Variants in TSC22D4 observed in about 807,000 individuals in gnomAD.
TSC22D4 encodes TSC22 domain family protein 4.
Under a neutral mutation model 24.9 loss-of-function variants are expected in TSC22D4, and 5 were observed. The ratio of observed to expected loss-of-function variants is 0.20; its 90% CI spans 0.10 to 0.42. TSC22D4 has a LOEUF of 0.42. TSC22D4 is among the 10% of genes least tolerant of loss of function. The pLI, the probability that TSC22D4 is intolerant of heterozygous loss-of-function variation, is 1.00. For missense variants in TSC22D4, 469 were observed against 547.9 expected (o/e 0.86, Z 1.44); for synonymous variants, 245 against 243.2 (o/e 1.01, Z -0.07).
At position 100,472,466 on chromosome 7, in the gene TSC22D4, G is replaced by A. The variant is rs189590642; in HGVS notation, c.929+1808C>T. On this transcript the variant is annotated intron_variant, in intron 3 of 4. Coordinates refer to ENST00000300181, the MANE Select transcript of TSC22D4 (RefSeq NM_030935.5). ...GTACAGGGGAAAGACGGAGGCCTCA[G>A]GAGGTTGAATCCTCTAAGACAGAGA... Among the ~76,000 whole-genome samples, 404 of 151,878 alleles carry A rather than the reference G, an allele frequency of 2.7e-3. 1 individual carries two copies. Among genetic ancestry groups the A allele is most frequent in the Admixed American group, 4.7e-3 (72 of 15,236 alleles).
Position 100,466,703 on chromosome 7 carries a change from G to T in TSC22D4, c.*256C>A. The stretch of plus-strand genomic sequence containing the variant: ...CTCCCCCAAGCCGTCTACTGCTGGG[G>T]GGTCCCAGGAGGGAGGGTGGGGGTT... On this transcript the variant is annotated 3_prime_UTR_variant, in exon 5 of 5. Coordinates refer to ENST00000300181, the MANE Select transcript of TSC22D4 (RefSeq NM_030935.5). 3.8e-6 allele frequency: 2 copies of T among 524,410 alleles called. No homozygotes were observed. The highest frequency in any genetic ancestry group is 2.8e-5 in the South Asian group (1 of 35,742). The allele number at this position is 524,410 out of a possible 1,614,324, so 32.5% of individuals were successfully genotyped here. A position where few individuals can be genotyped will look rare whatever the true frequency, so the allele number is the denominator to read the frequency against.
chr7:100,467,182 GACAGGC>G lies in TSC22D4; in HGVS notation c.979-20_979-15del, dbSNP rs1563179013. On this transcript the variant is annotated splice_polypyrimidine_tract_variant and intron_variant, in intron 4 of 4. Transcript: ENST00000300181. Reference sequence around the variant, plus strand: ...CTTCACCAAGTCCTGGGGGCCCCGGGACAGGCACAGCGTCAACGGGGTGGGTGCCTC... The same window carrying G: ...CTTCACCAAGTCCTGGGGGCCCCGGGACAGCGTCAACGGGGTGGGTGCCTC... 6.2e-7 allele frequency: 1 copy of G among 1,613,886 alleles called. No individual in the cohort carries two copies. Among genetic ancestry groups the G allele is most frequent in the South Asian group, 1.1e-5 (1 of 91,086 alleles).
chr7:100,476,162 G>A lies in TSC22D4; in HGVS notation c.762+1115C>T, dbSNP rs1425783715. ...GGGGTTTGCTTTGGAAGAGTCTGGG[G>A]ACAGGACAGGAAGAGAAACAGCATC... is the stretch of plus-strand genomic sequence containing the variant. On this transcript the variant is annotated intron_variant, in intron 2 of 4. Transcript: ENST00000300181. Among the ~76,000 whole-genome samples the A allele has an allele frequency of 4.7e-5, 7 of 150,024 alleles. No individual in the cohort carries two copies. The Admixed American group carries it at 4.7e-4, about 10-fold the overall frequency.
intron 3 of TSC22D4, among the ~76,000 whole-genome samples, chr7:100,469,603 C>T (rs1563180221): frequency 6.6e-6 from 1 of 152,158 alleles, no homozygotes; most frequent in Non-Finnish European, 1.5e-5. Flanking sequence ...GCCCCAGGCT[C>T]TTGCCCTGAG....
In TSC22D4 at chr7:100,477,950, G is replaced by T. The variant is rs1469182682; in HGVS notation, c.89C>A (p.Pro30His). 6.4e-7 allele frequency: 1 copy of T among 1,558,220 alleles called. No individual in the cohort carries two copies. The change falls in exon 2 of 5, where the codon CCC (proline) becomes CAC (histidine). Residue 30 changes from proline (P) to histidine (H), a missense_variant. Pro to His is a moderately conservative substitution (Grantham distance 77, BLOSUM62 -2). Coordinates refer to ENST00000300181, the MANE Select transcript of TSC22D4 (RefSeq NM_030935.5). This position sits in a 1 kb window ranked among gnomAD's most constrained non-coding sequence, Gnocchi z 7.8. Reference sequence around the variant, plus strand: ...CCCGGTTGGGGGCTGTGGGGTAGGGGGATCCGAAGCCCCTGGGCTCCCAGG... The same window carrying T: ...CCCGGTTGGGGGCTGTGGGGTAGGGTGATCCGAAGCCCCTGGGCTCCCAGG... Reference protein sequence around the residue: ...EGPGSPGASDPPTPQPPTGPP... With the variant: ...EGPGSPGASDHPTPQPPTGPP...
Position 100,466,807 on chromosome 7 carries a change from G to A in TSC22D4, c.*152C>T. The A allele has an allele frequency of 1.3e-6, 1 of 758,582 alleles. No homozygotes were observed. The highest frequency in any genetic ancestry group is 2.1e-6 in the Non-Finnish European group (1 of 474,052). The allele number at this position is 758,582 out of a possible 1,614,324, so 47.0% of individuals were successfully genotyped here. The stretch of plus-strand genomic sequence containing the variant: ...CTCCATCAAGGCTGGGGATGATGAG[G>A]AGATGGGGCAGGGGCCGGGGGACCA... On this transcript the variant is annotated 3_prime_UTR_variant, in exon 5 of 5. Transcript: ENST00000300181.
intron 3 of TSC22D4, among the ~76,000 whole-genome samples, chr7:100,469,712 C>T (rs1410640068): frequency 2.6e-5 from 4 of 152,208 alleles, no homozygotes; most frequent in Admixed American, 2.0e-4. Flanking sequence ...GAGCAGGGGC[C>T]TCAAGGCGCT....
Position 100,477,370 on chromosome 7 carries a change from C to G in TSC22D4, c.669G>C (p.Gly223=). The G allele has an allele frequency of 5.7e-6, 9 of 1,589,008 alleles. No individual in the cohort carries two copies. The African/African-American group carries it at 9.5e-5, about 17-fold the overall frequency. Reference sequence around the variant, plus strand: ...GTGGAGGGGTCCTGGCCCCTGAGCCCCCAGCCTCCGCTTCCACCCTCAGAG... The same window carrying G: ...GTGGAGGGGTCCTGGCCCCTGAGCCGCCAGCCTCCGCTTCCACCCTCAGAG... ...LPSLRVEAEA[G]GSGARTPPLS... is the part of the protein sequence containing the mutation. Residue 223 remains glycine (G), a synonymous_variant, in exon 2 of 5, where the codon GGG becomes GGC. Transcript: ENST00000300181. The surrounding 1 kb of genome is among the most constrained non-coding windows in gnomAD (Gnocchi z 7.8).
In TSC22D4 at chr7:100,477,150, G is replaced by T; in HGVS notation, c.762+127C>A. Reference sequence around the variant, plus strand: ...TTCAGAGTGACCTGGCAGGCACAGAGAAGAGGGCTATCTGATCTTATAAAG... The same window carrying T: ...TTCAGAGTGACCTGGCAGGCACAGATAAGAGGGCTATCTGATCTTATAAAG... On this transcript the variant is annotated intron_variant, in intron 2 of 4. Coordinates refer to ENST00000300181, the MANE Select transcript of TSC22D4 (RefSeq NM_030935.5). The surrounding 1 kb of genome is among the most constrained non-coding windows in gnomAD (Gnocchi z 7.8). 1.2e-6 allele frequency: 1 copy of T among 824,272 alleles called. No homozygotes were observed. The highest frequency in any genetic ancestry group is 1.8e-6 in the Non-Finnish European group (1 of 568,034). The allele number at this position is 824,272 out of a possible 1,614,324, so 51.1% of individuals were successfully genotyped here.
chr7:100,477,709 C>T lies in TSC22D4; in HGVS notation c.330G>A (p.Glu110=), dbSNP rs780257318. Residue 110 remains glutamate, a synonymous_variant, in exon 2 of 5, where the codon GAG becomes GAA. Coordinates refer to ENST00000300181, the MANE Select transcript of TSC22D4 (RefSeq NM_030935.5). This position sits in a 1 kb window ranked among gnomAD's most constrained non-coding sequence, Gnocchi z 7.8. ...LEPHSFGGLL[E]GIRGASGGAG... Reference sequence around the variant, plus strand: ...CGCCCCCTGAGGCCCCTCGAATTCCCTCCAGGAGTCCGCCGAAGCTGTGGG... The same window carrying T: ...CGCCCCCTGAGGCCCCTCGAATTCCTTCCAGGAGTCCGCCGAAGCTGTGGG... The T allele has an allele frequency of 3.8e-6, 6 of 1,599,004 alleles. No individual in the cohort carries two copies. Among genetic ancestry groups the T allele is most frequent in the Non-Finnish European group, 5.1e-6 (6 of 1,178,594 alleles).
At position 100,470,502 on chromosome 7, in the gene TSC22D4, A is replaced by G. The variant is rs11761918; in HGVS notation, c.930-2902T>C. On this transcript the variant is annotated intron_variant, in intron 3 of 4. Transcript: ENST00000300181. ...GGAGCCTCCGGCAAAATGGGGTTTC[A>G]CCATGTTGGCCAGGCTGGTCTTGAA... is the stretch of plus-strand genomic sequence containing the variant. 5.4e-3 allele frequency among the ~76,000 whole-genome samples: 827 copies of G among 152,100 alleles called. 4 individuals carry two copies. Among genetic ancestry groups the G allele is most frequent in the Middle Eastern group, 0.024 (7 of 294 alleles).
At chr7:100,467,405 G>A in intron 4 of TSC22D4, 147 bp downstream of exon 4, 1 of 940,212 alleles carries the variant, frequency 1.1e-6, no homozygotes, top group South Asian at 1.4e-5. Flanking sequence ...GGTGGCAGGA[G>A]GGGGCAGAGG....
intron 3 of TSC22D4, among the ~76,000 whole-genome samples, chr7:100,471,233 G>C (rs1410394506): frequency 1.3e-5 from 2 of 151,646 alleles, no homozygotes; most frequent in East Asian, 1.9e-4. Context: ...AGGTCGGGGA[G>C]GGGGAAGGGG....
At position 100,474,260 on chromosome 7, in the gene TSC22D4, C is replaced by T. The variant is rs201252552; in HGVS notation, c.929+14G>A. ...CTGAACCCCACGCCCCACCACCCCA[C>T]GAAGCCCACCTACCTATCATCGTCG... On this transcript the variant is annotated intron_variant, in intron 3 of 4. Transcript: ENST00000300181. The surrounding 1 kb of genome is among the most constrained non-coding windows in gnomAD (Gnocchi z 4.3). 7.1e-4 allele frequency: 1,140 copies of T among 1,611,918 alleles called. 1 individual carries two copies. The highest frequency in any genetic ancestry group is 9.1e-4 in the Non-Finnish European group (1,076 of 1,178,292).
chr7:100,469,205 C>T (rs1272587144), intron 3 of TSC22D4, among the ~76,000 whole-genome samples: 4 of 137,286 alleles, frequency 2.9e-5, no homozygotes, highest in Admixed American at 7.5e-5. Flanking sequence ...CCAGCCTGGA[C>T]AACAAGAGCA....
rs1322508556 is a variant in TSC22D4 at position 100,477,782 on chromosome 7, C to T, written c.257G>A (p.Arg86His). The change falls in exon 2 of 5, where the codon CGC (arginine) becomes CAC (histidine). Residue 86 changes from arginine to histidine, a missense_variant. Arg to His is a conservative substitution (Grantham distance 29). Coordinates refer to ENST00000300181, the MANE Select transcript of TSC22D4 (RefSeq NM_030935.5). The surrounding 1 kb of genome is among the most constrained non-coding windows in gnomAD (Gnocchi z 7.8). ...ATCCACACACGTCCAGCGACCGCGG[C>T]GATAAGGCTCTCCCAGGCCGTGGGG... is the stretch of plus-strand genomic sequence containing the variant. The part of the protein sequence containing the change: ...KLPHGLGEPY[R>H]RGRWTCVDVY... 1.9e-6 allele frequency: 3 copies of T among 1,606,802 alleles called. No homozygotes were observed. Among genetic ancestry groups the T allele is most frequent in the African/African-American group, 1.3e-5 (1 of 75,050 alleles).
chr7:100,467,174 G>A lies in TSC22D4; in HGVS notation c.979-6C>T. 2 of 1,614,062 alleles carry A rather than the reference G, an allele frequency of 1.2e-6. No individual in the cohort carries two copies. The highest frequency in any genetic ancestry group is 8.5e-7 in the Non-Finnish European group (1 of 1,180,034). ...AGGTGGGACTTCACCAAGTCCTGGG[G>A]GCCCCGGGACAGGCACAGCGTCAAC... On this transcript the variant is annotated splice_polypyrimidine_tract_variant and splice_region_variant and intron_variant, in intron 4 of 4. Coordinates refer to ENST00000300181, the MANE Select transcript of TSC22D4 (RefSeq NM_030935.5).
At chr7:100,473,741 C>A (rs1223769638) in intron 3 of TSC22D4, 1 of 151,304 alleles carries the variant, frequency 6.6e-6, no homozygotes. Context: ...CATGCCCAGC[C>A]TACTTCCTTT....
At chr7:100,475,196 G>A (rs1407134627) in intron 2 of TSC22D4, among the ~76,000 whole-genome samples, 2 of 152,198 alleles carry the variant, frequency 1.3e-5, no homozygotes, top group Non-Finnish European at 2.9e-5. Flanking sequence ...TGATTCTCCT[G>A]CCTCAGCCTC....
Sources: gnomAD v4.1 joint callset for allele counts (sites outside exome capture counted in the v4.1 genomes callset) on GRCh38, gnomAD v4.1.1 for gene constraint, Gnocchi (gnomAD v3.1) non-coding constraint, MANE v1.5 for transcripts, NCBI Gene and HGNC (gene_info 2026-07-23, HGNC 2026-07-21) for gene names.